The following LRP2 variants were observed in gnomAD, a reference collection of about 807,000 sequenced individuals.
LRP2 encodes low-density lipoprotein receptor-related protein 2.
In LRP2, 172 loss-of-function variants were observed where a neutral mutation model predicts 531.0. The observed-to-expected ratio is 0.32, with a 90% CI of 0.29 to 0.37. The LOEUF is 0.37. Among genes scored for constraint, LRP2 ranks in the 10% least tolerant of loss-of-function variants. LRP2 has a pLI of 1.00. For missense variants in LRP2, 5,167 were observed against 5,868.3 expected, an observed-to-expected ratio of 0.88 and a Z score of 3.90; for synonymous variants, 1,992 against 2,027.6, an observed-to-expected ratio of 0.98 and a Z score of 0.47.
intron 17 of LRP2, among the ~76,000 whole-genome samples, chr2:169,257,953 A>C (rs560319442): frequency 3.7e-4 from 57 of 152,092 alleles, no homozygotes; most frequent in Non-Finnish European, 7.1e-4. Context: ...ACTTCATATC[A>C]TTTTAAACAA....
chr2:169,147,996 C>T (rs1685979807), intron 68 of LRP2, among the ~76,000 whole-genome samples: 1 of 152,114 alleles, frequency 6.6e-6, no homozygotes, highest in Non-Finnish European at 1.5e-5. Flanking sequence ...GTCCTATGGG[C>T]CATATTTGGC....
chr2:169,235,407 T>C (rs930461712), intron 29 of LRP2, among the ~76,000 whole-genome samples: 22 of 152,084 alleles, frequency 1.4e-4, no homozygotes, highest in African/African-American at 5.3e-4. Context: ...ACTGGCTAAT[T>C]TTTGTGTTTT....
intron 7 of LRP2, among the ~76,000 whole-genome samples, chr2:169,291,689 T>C (rs181094910): frequency 1.1e-3 from 100 of 95,100 alleles, no homozygotes; most frequent in African/African-American, 3.7e-3. Context: ...CCCTGGATAG[T>C]AGCTTCTCCT....
intron 61 of LRP2, 54 bp downstream of exon 61, chr2:169,168,485 A>C: frequency 6.2e-7 from 1 of 1,608,722 alleles, no homozygotes; most frequent in Non-Finnish European, 8.5e-7. Context: ...GTAAGAAACA[A>C]TGAGATTTGA....
At chr2:169,216,136 A>G (rs1274055390) in intron 35 of LRP2, 117 bp downstream of exon 35, 3 of 1,099,718 alleles carry the variant, frequency 2.7e-6, no homozygotes. Context: ...GCAATGAAAC[A>G]CTGGTACAAG....
intron 3 of LRP2, among the ~76,000 whole-genome samples, chr2:169,312,502 C>A (rs1684641291): frequency 6.6e-6 from 1 of 152,128 alleles, no homozygotes; most frequent in African/African-American, 2.4e-5. Flanking sequence ...GTTGAAAATT[C>A]TTTTCTTTAA....
At chr2:169,259,325 G>A in intron 16 of LRP2, 108 bp from the exon 17 acceptor site, 5 of 611,550 alleles carry the variant, frequency 8.2e-6, no homozygotes, top group South Asian at 1.7e-5. Context: ...GCATATTTCA[G>A]GAACACATGT....
intron 16 of LRP2, among the ~76,000 whole-genome samples, chr2:169,262,116 T>C (rs1368958929): frequency 2.0e-5 from 3 of 151,578 alleles, no homozygotes; most frequent in East Asian, 3.9e-4. Flanking sequence ...GAGCTATCTA[T>C]GACAAACCCA....
intron 66 of LRP2, among the ~76,000 whole-genome samples, chr2:169,153,278 A>T (rs1686211783): frequency 2.6e-5 from 4 of 152,240 alleles, no homozygotes; most frequent in Admixed American, 1.3e-4. Context: ...AGTTTCCAAA[A>T]CAGAATGTAT....
At chr2:169,267,732 G>A (rs149080312) in intron 16 of LRP2, among the ~76,000 whole-genome samples, 2,052 of 151,956 alleles carry the variant, frequency 0.014, 36 homozygotes, top group African/African-American at 0.047. Flanking sequence ...AAAAGCTAAC[G>A]GAAGGCAAGA....
chr2:169,140,829 T>A (rs1288557057), intron 71 of LRP2, among the ~76,000 whole-genome samples: 1 of 152,212 alleles, frequency 6.6e-6, no homozygotes, highest in Non-Finnish European at 1.5e-5. Context: ...AAGAACCTAG[T>A]GGTAAAATAA....
intron 21 of LRP2, among the ~76,000 whole-genome samples, chr2:169,246,411 C>T (rs937090717): frequency 5.9e-5 from 9 of 151,924 alleles, no homozygotes; most frequent in African/African-American, 1.9e-4. Context: ...TAGTTTATTT[C>T]GATTTGACTT....
At chr2:169,269,103 A>G (rs1439260564) in intron 16 of LRP2, among the ~76,000 whole-genome samples, 3 of 152,222 alleles carry the variant, frequency 2.0e-5, no homozygotes, top group East Asian at 3.8e-4. Context: ...AAAATAAAAG[A>G]GGACACAAAC....
At chr2:169,200,228 G>A (rs1688157566) in intron 44 of LRP2, among the ~76,000 whole-genome samples, 1 of 152,132 alleles carries the variant, frequency 6.6e-6, no homozygotes, top group African/African-American at 2.4e-5. Context: ...TCCAGCCTGG[G>A]CGATAGAGCA....
chr2:169,319,469 C>A (rs1243402256), intron 2 of LRP2, among the ~76,000 whole-genome samples: 1 of 152,066 alleles, frequency 6.6e-6, no homozygotes, highest in South Asian at 2.1e-4. Flanking sequence ...CTATCACTAT[C>A]GTCATTGATA....
At chr2:169,184,772 G>GT (rs34938969) in intron 50 of LRP2, among the ~76,000 whole-genome samples, 107,093 of 150,862 alleles carry the variant, frequency 0.71, 38,243 homozygotes, top group South Asian at 0.81. Flanking sequence ...TGTTTGTTTT[G>GT]TTTTTTTTGA....
In LRP2 at chr2:169,139,343, G is replaced by A. The variant is rs187838937; in HGVS notation, c.13296C>T (p.Leu4432=). 1 of 1,614,162 alleles carries A rather than the reference G, an allele frequency of 6.2e-7. No individual in the cohort carries two copies. Among genetic ancestry groups the A allele is most frequent in the East Asian group, 2.2e-5 (1 of 44,890 alleles). ...CCAGAGCTCCAATTACGACGATCAAGAGGATTGTCAACAGCACAGCTACTG... is the reference window on the plus strand; with the variant it reads ...CCAGAGCTCCAATTACGACGATCAAAAGGATTGTCAACAGCACAGCTACTG... ...TTAVAVLLTI[L]LIVVIGALAI... is the part of the protein sequence containing the mutation. The change falls in exon 74 of 79, where the codon CTC becomes CTT. Residue 4432 remains leucine, a synonymous_variant. Coordinates refer to ENST00000649046, the MANE Select transcript of LRP2 (RefSeq NM_004525.3).
At chr2:169,197,081 C>A in intron 45 of LRP2, 51 bp from the exon 46 acceptor site, 1 of 1,605,656 alleles carries the variant, frequency 6.2e-7, no homozygotes, top group Non-Finnish European at 8.5e-7. Context: ...AAGCATGTTC[C>A]CATCAGTCTT....
At chr2:169,241,808 T>A (rs546981053) in intron 24 of LRP2, among the ~76,000 whole-genome samples, 1 of 152,340 alleles carries the variant, frequency 6.6e-6, no homozygotes, top group South Asian at 2.1e-4. Flanking sequence ...TTATTTTCCC[T>A]CAGATGAACT....
Sources: allele counts gnomAD v4.1 joint callset (sites outside exome capture counted in the v4.1 genomes callset), GRCh38; gene constraint gnomAD v4.1.1; transcripts MANE v1.5; gene names NCBI Gene and HGNC (gene_info 2026-07-23, HGNC 2026-07-21).